ADAMTS6: variants seen among roughly 807,000 people sequenced by gnomAD.
The protein encoded by ADAMTS6 is A disintegrin and metalloproteinase with thrombospondin motifs 6.
ADAMTS6 carries 23 observed loss-of-function variants against 144.3 expected under a neutral mutation model. The ratio of observed to expected loss-of-function variants is 0.16; its 90% CI spans 0.11 to 0.23. The LOEUF is 0.23. ADAMTS6 is among the 10% of genes least tolerant of loss of function. The probability of loss-of-function intolerance (pLI) is 1.00; values close to 1 mark genes in which losing one functional copy is unlikely to be tolerated. For missense variants in ADAMTS6, 999 were observed against 1,379.6 expected (o/e 0.72, Z 4.37); for synonymous variants, 444 against 457.5 (o/e 0.97, Z 0.38).
At chr5:65,235,071 G>A (rs769573625) in intron 15 of ADAMTS6, among the ~76,000 whole-genome samples, 1 of 152,138 alleles carries the variant, frequency 6.6e-6, no homozygotes, top group Non-Finnish European at 1.5e-5. Context: ...ATCAGGGATT[G>A]GGTGGAAATA....
intron 7 of ADAMTS6, among the ~76,000 whole-genome samples, chr5:65,408,127 G>A (rs951961897): frequency 2.6e-5 from 4 of 152,106 alleles, no homozygotes; most frequent in African/African-American, 9.7e-5. Context: ...CATAATGACA[G>A]GATCAAATTC....
chr5:65,302,092 CAAAAA>C (rs1182825165), intron 9 of ADAMTS6, among the ~76,000 whole-genome samples: 55 of 19,940 alleles, frequency 2.8e-3, no homozygotes, highest in African/African-American at 5.5e-3. Context: ...GCTCTGTCTC[CAAAAA>C]AAAAAAAAAA....
chr5:65,436,978 G>C (rs1198075356), intron 7 of ADAMTS6, among the ~76,000 whole-genome samples: 1 of 152,136 alleles, frequency 6.6e-6, no homozygotes, highest in Admixed American at 6.6e-5. Context: ...AAAAGAAAGA[G>C]GTTTAATCAA....
intron 7 of ADAMTS6, among the ~76,000 whole-genome samples, chr5:65,416,665 C>T (rs2150191449): frequency 6.6e-6 from 1 of 151,350 alleles, no homozygotes; most frequent in South Asian, 2.1e-4. Flanking sequence ...CACTTGAGCC[C>T]AGGAGGCGGA....
chr5:65,224,849 G>T (rs1362141138), intron 17 of ADAMTS6, 75 bp downstream of exon 17: 27 of 1,459,800 alleles, frequency 1.8e-5, no homozygotes, highest in East Asian at 2.4e-5. Flanking sequence ...TGAAAAACAG[G>T]GGGAGGCGAA....
chr5:65,196,624 A>G (rs910663917), intron 21 of ADAMTS6, among the ~76,000 whole-genome samples: 10 of 149,856 alleles, frequency 6.7e-5, no homozygotes, highest in African/African-American at 2.4e-4. Context: ...ATTTTATTAC[A>G]TCTAAGACTT....
At chr5:65,311,619 ATT>A (rs1264755664) in intron 9 of ADAMTS6, among the ~76,000 whole-genome samples, 9 of 152,042 alleles carry the variant, frequency 5.9e-5, no homozygotes, top group Admixed American at 5.9e-4. Flanking sequence ...TTGTGATCAT[ATT>A]TTGTGTCATT....
intron 4 of ADAMTS6, among the ~76,000 whole-genome samples, chr5:65,456,851 T>C (rs1340168739): frequency 6.6e-6 from 1 of 152,178 alleles, no homozygotes; most frequent in Non-Finnish European, 1.5e-5. Flanking sequence ...ATTACTTCTA[T>C]AAAATGTTTA....
intron 24 of ADAMTS6, among the ~76,000 whole-genome samples, chr5:65,168,394 C>T (rs888834607): frequency 2.2e-4 from 33 of 150,592 alleles, no homozygotes; most frequent in African/African-American, 8.0e-4. Flanking sequence ...AGGATACAAA[C>T]AAATGGAAGA....
intron 6 of ADAMTS6, among the ~76,000 whole-genome samples, 171 bp downstream of exon 6, chr5:65,451,962 T>C (rs1170808099): frequency 6.6e-6 from 1 of 152,200 alleles, no homozygotes; most frequent in Non-Finnish European, 1.5e-5. Flanking sequence ...TATATTCTTG[T>C]AATGTATTTA....
At chr5:65,158,590 G>T (rs973171777) in intron 24 of ADAMTS6, among the ~76,000 whole-genome samples, 2 of 27,538 alleles carry the variant, frequency 7.3e-5, no homozygotes, top group Non-Finnish European at 1.7e-4. Context: ...TGAGCTTGAG[G>T]AGGTTAGTCC....
rs1420540369 is a variant in ADAMTS6, at chr5:65,266,993, A to ATT, written c.1621-4032_1621-4031insAA. Among the ~76,000 whole-genome samples, 4 of 152,182 alleles carry ATT rather than the reference A, an allele frequency of 2.6e-5. No homozygotes were observed. The East Asian group carries it at 7.7e-4, about 29-fold the overall frequency. The stretch of plus-strand genomic sequence containing the variant: ...CTCTTCTAGCTGATTGCATTAATCA[A>ATT]TATAAATTAAGAGTTTAATGTGTGT... On this transcript the variant is annotated intron_variant, in intron 12 of 24. Transcript: ENST00000381055.
intron 7 of ADAMTS6, among the ~76,000 whole-genome samples, chr5:65,359,316 A>G (rs1044361461): frequency 1.3e-5 from 2 of 152,204 alleles, no homozygotes; most frequent in Non-Finnish European, 2.9e-5. Context: ...AATATTCAAC[A>G]TCACTAATCA....
chr5:65,459,487 A>G (rs1268905103), intron 4 of ADAMTS6, among the ~76,000 whole-genome samples: 1 of 152,140 alleles, frequency 6.6e-6, no homozygotes, highest in Non-Finnish European at 1.5e-5. Context: ...CCACATTCTA[A>G]TATCCAGTTA....
intron 4 of ADAMTS6, among the ~76,000 whole-genome samples, chr5:65,459,069 G>A (rs1310451286): frequency 3.3e-5 from 5 of 151,134 alleles, no homozygotes; most frequent in Non-Finnish European, 5.9e-5. Flanking sequence ...GGAGAACGGG[G>A]TCTCGCTATA....
intron 7 of ADAMTS6, among the ~76,000 whole-genome samples, chr5:65,341,815 A>G (rs954796310): frequency 3.9e-5 from 6 of 152,200 alleles, no homozygotes; most frequent in Non-Finnish European, 8.8e-5. Context: ...AAAGTGAAGC[A>G]GAGAGAAATC....
At chr5:65,463,323 C>A (rs949941529) in intron 3 of ADAMTS6, among the ~76,000 whole-genome samples, 2 of 151,882 alleles carry the variant, frequency 1.3e-5, no homozygotes, top group South Asian at 2.1e-4. Flanking sequence ...ATACTGGGAA[C>A]AACAAATGCA....
intron 22 of ADAMTS6, among the ~76,000 whole-genome samples, chr5:65,185,531 C>T (rs1049774335): frequency 1.1e-4 from 16 of 152,182 alleles, no homozygotes; most frequent in Admixed American, 6.5e-5. Context: ...AGGCAGTGGT[C>T]CCCACATGTG....
chr5:65,273,302 G>A (rs373557993), intron 12 of ADAMTS6, 38 bp downstream of exon 12: 2 of 1,568,036 alleles, frequency 1.3e-6, no homozygotes, highest in Non-Finnish European at 1.8e-6. Context: ...TATCACTTTT[G>A]TATACATGTC....
Sources: allele counts gnomAD v4.1 joint callset (sites outside exome capture counted in the v4.1 genomes callset), GRCh38; gene constraint gnomAD v4.1.1; transcripts MANE v1.5; gene names NCBI Gene and HGNC (gene_info 2026-07-23, HGNC 2026-07-21).